Variants in FAM135B observed in about 807,000 individuals in gnomAD.
FAM135B encodes family with sequence similarity 135 member B, also known as protein FAM135B.
In FAM135B, 43 loss-of-function variants were observed where a neutral mutation model predicts 127.7. The ratio of observed to expected loss-of-function variants is 0.34; its 90% CI spans 0.26 to 0.43. The LOEUF is 0.43. Ranked by LOEUF, FAM135B falls within the 20% of genes least tolerant of loss-of-function variation. The probability of loss-of-function intolerance (pLI) is 1.00; values close to 1 mark genes in which losing one functional copy is unlikely to be tolerated. For missense variants in FAM135B, 1,558 were observed against 1,725.6 expected, an observed-to-expected ratio of 0.90 and a Z score of 1.72; for synonymous variants, 670 against 665.1, an observed-to-expected ratio of 1.01 and a Z score of -0.11.
chr8:138,342,730 G>A (rs1023856734), intron 2 of FAM135B, among the ~76,000 whole-genome samples: 4 of 152,206 alleles, frequency 2.6e-5, no homozygotes, highest in African/African-American at 9.7e-5. Context: ...CTTCAGTGCT[G>A]TACAACCGAG....
intron 1 of FAM135B, 90 bp from the exon 2 acceptor site, chr8:138,368,092 AC>A: frequency 1.2e-6 from 1 of 805,112 alleles, no homozygotes; most frequent in Middle Eastern, 3.1e-4. Flanking sequence ...AATCTGACCA[AC>A]AGGACCAACA....
intron 7 of FAM135B, among the ~76,000 whole-genome samples, chr8:138,228,627 G>T (rs1819663097): frequency 6.6e-6 from 1 of 152,124 alleles, no homozygotes; most frequent in Non-Finnish European, 1.5e-5. Flanking sequence ...AGATTCCCCT[G>T]AGCCGGCTTA....
chr8:138,177,078 T>C lies in FAM135B; in HGVS notation c.1103+269A>G, dbSNP rs559496752. On this transcript the variant is annotated intron_variant, in intron 11 of 19. Coordinates refer to ENST00000395297, the MANE Select transcript of FAM135B (RefSeq NM_015912.4). ...TCGCAGAGGACTCAGCACAGATGTCTTCAGGGACCTAGGGTGCCTTGATTC... is the reference window on the plus strand; with the variant it reads ...TCGCAGAGGACTCAGCACAGATGTCCTCAGGGACCTAGGGTGCCTTGATTC... Among the ~76,000 whole-genome samples the C allele has an allele frequency of 2.0e-5, 3 of 152,324 alleles. No homozygotes were observed. In the East Asian group the frequency reaches 5.8e-4, roughly 29 times the overall value.
intron 3 of FAM135B, among the ~76,000 whole-genome samples, chr8:138,274,830 T>A (rs1156800690): frequency 2.0e-5 from 3 of 152,088 alleles, no homozygotes; most frequent in African/African-American, 7.2e-5. Context: ...TCACCGGCGG[T>A]CAGAGTTTAA....
intron 1 of FAM135B, among the ~76,000 whole-genome samples, chr8:138,415,527 G>A (rs891391616): frequency 2.0e-5 from 3 of 152,194 alleles, no homozygotes; most frequent in Non-Finnish European, 4.4e-5. Flanking sequence ...CAGGGATGGG[G>A]AGAGACACTG....
chr8:138,342,208 C>T (rs1353464277), intron 2 of FAM135B, among the ~76,000 whole-genome samples: 1 of 152,166 alleles, frequency 6.6e-6, no homozygotes, highest in East Asian at 1.9e-4. Context: ...AACCCTTCAG[C>T]TAGAGTGAGA....
At chr8:138,302,144 T>C (rs1825934076) in intron 3 of FAM135B, among the ~76,000 whole-genome samples, 1 of 152,080 alleles carries the variant, frequency 6.6e-6, no homozygotes, top group Non-Finnish European at 1.5e-5. Flanking sequence ...GTTATTATTA[T>C]TATTATTATT....
chr8:138,211,609 A>T (rs1415601013), intron 7 of FAM135B, among the ~76,000 whole-genome samples: 2 of 152,214 alleles, frequency 1.3e-5, no homozygotes. Flanking sequence ...CAACATTCTA[A>T]AATTGAGACT....
chr8:138,470,776 C>T lies in FAM135B; in HGVS notation c.-20+25895G>A, dbSNP rs114861718. Among the ~76,000 whole-genome samples, 920 of 152,344 alleles carry T rather than the reference C, an allele frequency of 6.0e-3. 9 individuals are homozygous for T. The highest frequency in any genetic ancestry group is 0.02 in the African/African-American group (850 of 41,580). The stretch of plus-strand genomic sequence containing the variant: ...CCAACTTGCTTTGTTAGGAGTCCCC[C>T]TTCCCTCAAGACACTGGTCACACTA... On this transcript the variant is annotated intron_variant, in intron 1 of 19. Coordinates refer to ENST00000395297, the MANE Select transcript of FAM135B (RefSeq NM_015912.4).
intron 1 of FAM135B, among the ~76,000 whole-genome samples, chr8:138,427,180 C>T (rs1834934942): frequency 6.6e-6 from 1 of 151,356 alleles, no homozygotes; most frequent in Non-Finnish European, 1.5e-5. Context: ...TAGACAGGAA[C>T]AAAAGGGAGT....
intron 1 of FAM135B, among the ~76,000 whole-genome samples, chr8:138,478,628 C>A (rs1179036348): frequency 1.3e-5 from 2 of 152,050 alleles, no homozygotes; most frequent in African/African-American, 4.8e-5. Flanking sequence ...CTCTACCTAC[C>A]AAAGTGGTGA....
At chr8:138,320,081 T>C (rs537840292) in intron 2 of FAM135B, among the ~76,000 whole-genome samples, 1 of 152,284 alleles carries the variant, frequency 6.6e-6, no homozygotes, top group East Asian at 1.9e-4. Context: ...CACGCAGTAA[T>C]ACAATCCAGC....
chr8:138,323,899 A>G (rs142964094), intron 2 of FAM135B, among the ~76,000 whole-genome samples: 1,552 of 152,344 alleles, frequency 0.01, 17 homozygotes, highest in Non-Finnish European at 0.014. Flanking sequence ...TATTTTTTAT[A>G]TACCATAATT....
intron 5 of FAM135B, among the ~76,000 whole-genome samples, chr8:138,251,905 C>T (rs534530735): frequency 6.6e-6 from 1 of 152,310 alleles, no homozygotes; most frequent in East Asian, 1.9e-4. Flanking sequence ...GCTTGTCCTC[C>T]ATCCATAGAT....
At chr8:138,288,812 C>T (rs1434886004) in intron 3 of FAM135B, among the ~76,000 whole-genome samples, 2 of 152,178 alleles carry the variant, frequency 1.3e-5, no homozygotes, top group African/African-American at 2.4e-5. Context: ...AAACAAACCA[C>T]CCATTAATAA....
At chr8:138,491,843 T>C (rs571370309) in intron 1 of FAM135B, among the ~76,000 whole-genome samples, 2 of 152,218 alleles carry the variant, frequency 1.3e-5, no homozygotes, top group East Asian at 3.9e-4. Flanking sequence ...CACCCAGTGA[T>C]TACCAGGGAG....
At chr8:138,406,900 T>C (rs1277420706) in intron 1 of FAM135B, among the ~76,000 whole-genome samples, 2 of 151,458 alleles carry the variant, frequency 1.3e-5, no homozygotes, top group Non-Finnish European at 2.9e-5. Context: ...GTGTTGGAAG[T>C]TCTGGCCAGG....
chr8:138,219,013 T>C (rs1818811316), intron 7 of FAM135B, among the ~76,000 whole-genome samples: 1 of 152,170 alleles, frequency 6.6e-6, no homozygotes, highest in African/African-American at 2.4e-5. Flanking sequence ...ATGATAAATA[T>C]CATGTGCCTA....
intron 9 of FAM135B, 120 bp from the exon 10 acceptor site, chr8:138,178,810 C>T: frequency 1.3e-6 from 1 of 747,326 alleles, no homozygotes; most frequent in Non-Finnish European, 2.2e-6. Context: ...TTTCTCTGTA[C>T]ATCTGTAGTA....
Sources: allele counts gnomAD v4.1 joint callset (sites outside exome capture counted in the v4.1 genomes callset), GRCh38; gene constraint gnomAD v4.1.1; transcripts MANE v1.5; gene names NCBI Gene and HGNC (gene_info 2026-07-23, HGNC 2026-07-21).